ESR1: variants seen among roughly 807,000 people sequenced by gnomAD.
ESR1 encodes the protein estrogen receptor.
In ESR1, 12 loss-of-function variants were observed where a neutral mutation model predicts 52.7. That is an observed-to-expected ratio of 0.23 (90% CI 0.15 to 0.37). The LOEUF (loss-of-function observed/expected upper bound fraction) is 0.37, where lower values mean the gene tolerates loss of function less well. Ranked by LOEUF, ESR1 falls within the 10% of genes least tolerant of loss-of-function variation. The pLI is 1.00. For missense variants in ESR1, 584 were observed against 779.7 expected, an observed-to-expected ratio of 0.75 and a Z score of 2.99; for synonymous variants, 305 against 316.8, an observed-to-expected ratio of 0.96 and a Z score of 0.39.
At chr6:152,018,592 G>C (rs1240620864) in intron 5 of ESR1, among the ~76,000 whole-genome samples, 1 of 152,042 alleles carries the variant, frequency 6.6e-6, no homozygotes, top group Non-Finnish European at 1.5e-5. Context: ...CTGGGGTGTT[G>C]GGGGTGGAAG....
At chr6:152,009,334 T>C (rs1051006839) in intron 4 of ESR1, among the ~76,000 whole-genome samples, 2 of 152,040 alleles carry the variant, frequency 1.3e-5, no homozygotes, top group African/African-American at 2.4e-5. Flanking sequence ...AAATTTAAAC[T>C]TTAAAAATGC....
intron 2 of ESR1, among the ~76,000 whole-genome samples, chr6:151,735,229 CTGT>C (rs1438284568): frequency 6.6e-6 from 1 of 152,058 alleles, no homozygotes; most frequent in Non-Finnish European, 1.5e-5. Flanking sequence ...TCCTCATGGT[CTGT>C]TGTTCTCTCT....
intron 3 of ESR1, among the ~76,000 whole-genome samples, chr6:151,928,387 TGA>T (rs1257092187): frequency 2.6e-5 from 4 of 152,214 alleles, no homozygotes; most frequent in Non-Finnish European, 5.9e-5. Flanking sequence ...CATAGCTGAC[TGA>T]GAGCTGCGGC....
chr6:151,947,628 C>G (rs1192986325), intron 4 of ESR1, among the ~76,000 whole-genome samples: 1 of 152,118 alleles, frequency 6.6e-6, no homozygotes, highest in Non-Finnish European at 1.5e-5. Flanking sequence ...TTTTCCTTTT[C>G]ATTAACCCCT....
intron 2 of ESR1, among the ~76,000 whole-genome samples, chr6:151,767,490 T>A (rs1785159662): frequency 6.6e-6 from 1 of 152,026 alleles, no homozygotes; most frequent in African/African-American, 2.4e-5. Context: ...AGTTTCTAAA[T>A]GTGATAAAAG....
chr6:151,992,664 A>G (rs1442389564), intron 4 of ESR1, among the ~76,000 whole-genome samples: 3 of 152,128 alleles, frequency 2.0e-5, no homozygotes, highest in Non-Finnish European at 2.9e-5. Context: ...GGGTGGGGAA[A>G]GGATGGAAAA....
At chr6:151,756,624 C>T (rs1012232876) in intron 2 of ESR1, among the ~76,000 whole-genome samples, 3 of 152,180 alleles carry the variant, frequency 2.0e-5, no homozygotes, top group Non-Finnish European at 2.9e-5. Flanking sequence ...TATTTATAAC[C>T]GTACTGGCCG....
intron 2 of ESR1, among the ~76,000 whole-genome samples, chr6:151,722,479 C>A (rs1006775309): frequency 6.6e-6 from 1 of 152,168 alleles, no homozygotes; most frequent in African/African-American, 2.4e-5. Context: ...GAAAAACTGT[C>A]CAAAGCTTTG....
chr6:152,000,474 T>TA lies in ESR1; in HGVS notation c.1097-11181dup, dbSNP rs554176490. ...ACAGATACTTTTCTCTTTATATAAA[T>TA]ATGATATCTAATTAGCTTTTCCTGG... is the stretch of plus-strand genomic sequence containing the variant. On this transcript the variant is annotated intron_variant, in intron 4 of 7. Transcript: ENST00000206249. Among the ~76,000 whole-genome samples the TA allele has an allele frequency of 1.2e-3, 178 of 152,156 alleles. 1 individual carries two copies. Among genetic ancestry groups the TA allele is most frequent in the Non-Finnish European group, 2.3e-3 (159 of 67,966 alleles).
In ESR1 at chr6:151,817,883, C is replaced by T. The variant is rs533918147; in HGVS notation, c.452+9519C>T. Among the ~76,000 whole-genome samples, 3 of 152,266 alleles carry T rather than the reference C, an allele frequency of 2.0e-5. No individual in the cohort carries two copies. The East Asian group carries it at 5.8e-4, about 29-fold the overall frequency. Reference sequence around the variant, plus strand: ...AGGCTGTTAGTGGTACACATAACCTCTAGCATTGTTGATACAGCTATAAAA... The same window carrying T: ...AGGCTGTTAGTGGTACACATAACCTTTAGCATTGTTGATACAGCTATAAAA... On this transcript the variant is annotated intron_variant, in intron 1 of 7. Coordinates refer to ENST00000206249, the MANE Select transcript of ESR1 (RefSeq NM_000125.4).
chr6:151,700,019 G>A (rs1487081584), intron 1 of ESR1, among the ~76,000 whole-genome samples: 2 of 150,852 alleles, frequency 1.3e-5, no homozygotes, highest in Non-Finnish European at 2.9e-5. Flanking sequence ...CAAATTTACT[G>A]AATAACAGCC....
At position 152,094,293 on chromosome 6, in the gene ESR1, C is replaced by A. The variant is rs548628736; in HGVS notation, c.1370-92C>A. The A allele has an allele frequency of 4.5e-5, 49 of 1,080,490 alleles. No homozygotes were observed. In the African/African-American group the frequency reaches 6.3e-4, roughly 14 times the overall value. The allele number at this position is 1,080,490 out of a possible 1,614,324, so 66.9% of individuals were successfully genotyped here. On this transcript the variant is annotated intron_variant, in intron 6 of 7. Transcript: ENST00000206249. This position sits in a 1 kb window ranked among gnomAD's most constrained non-coding sequence, Gnocchi z 4.6. Reference sequence around the variant, plus strand: ...TAGACTACTGTGCTGAGGAAGGGCACTGGCTCATTGTTACATCCCATGAAC... The same window carrying A: ...TAGACTACTGTGCTGAGGAAGGGCAATGGCTCATTGTTACATCCCATGAAC...
intron 3 of ESR1, among the ~76,000 whole-genome samples, chr6:151,883,239 C>A (rs995126372): frequency 5.9e-5 from 9 of 151,906 alleles, no homozygotes; most frequent in African/African-American, 2.2e-4. Context: ...CCTGCTTCAA[C>A]TTCCCAAGTA....
At chr6:151,980,059 G>T (rs1170388161) in intron 4 of ESR1, among the ~76,000 whole-genome samples, 1 of 152,110 alleles carries the variant, frequency 6.6e-6, no homozygotes, top group East Asian at 1.9e-4. Flanking sequence ...GCCTGACGTT[G>T]AAAGATTTAG....
At position 151,957,025 on chromosome 6, in the gene ESR1, C is replaced by T. The variant is rs62443579; in HGVS notation, c.1096+12517C>T. On this transcript the variant is annotated intron_variant, in intron 4 of 7. Coordinates refer to ENST00000206249, the MANE Select transcript of ESR1 (RefSeq NM_000125.4). Reference sequence around the variant, plus strand: ...CCGAGTAGCTGGGACTACAGGTGCCCGCCACCACGCCCGGCTAATTTTTTG... The same window carrying T: ...CCGAGTAGCTGGGACTACAGGTGCCTGCCACCACGCCCGGCTAATTTTTTG... Among the ~76,000 whole-genome samples the T allele has an allele frequency of 9.2e-4, 122 of 133,198 alleles. 2 individuals are homozygous for T. Among genetic ancestry groups the T allele is most frequent in the East Asian group, 6.6e-3 (32 of 4,836 alleles). 87.4% of individuals were successfully genotyped at this position (133,198 alleles called of 152,430 possible).
At position 151,896,095 on chromosome 6, in the gene ESR1, G is replaced by A. The variant is rs185118179; in HGVS notation, c.760+15324G>A. ...ATTACAGGCGTGAGCCACAGCGCCC[G>A]GCCAGATTTTTGCATCTATGTTCAT... On this transcript the variant is annotated intron_variant, in intron 3 of 7. Transcript: ENST00000206249. Among the ~76,000 whole-genome samples the A allele has an allele frequency of 3.3e-3, 508 of 152,224 alleles. 3 individuals carry two copies. Among genetic ancestry groups the A allele is most frequent in the African/African-American group, 0.012 (482 of 41,536 alleles).
At chr6:151,978,632 G>A (rs765672840) in intron 4 of ESR1, among the ~76,000 whole-genome samples, 3 of 152,092 alleles carry the variant, frequency 2.0e-5, no homozygotes, top group South Asian at 2.1e-4. Flanking sequence ...GAGAGAAAAG[G>A]TCTATCGCAG....
At chr6:151,796,161 G>A (rs1459277396) in intron 2 of ESR1, among the ~76,000 whole-genome samples, 4 of 143,456 alleles carry the variant, frequency 2.8e-5, no homozygotes, top group African/African-American at 7.6e-5. Context: ...GTGAGACTCC[G>A]TCTCAAAAAA....
At chr6:151,879,796 C>CA (rs1234668621) in intron 2 of ESR1, among the ~76,000 whole-genome samples, 1 of 152,050 alleles carries the variant, frequency 6.6e-6, no homozygotes, top group Non-Finnish European at 1.5e-5. Context: ...CAGAGTTCTC[C>CA]AGGTAGTCAG....
Sources: gnomAD v4.1 joint callset for allele counts (sites outside exome capture counted in the v4.1 genomes callset) on GRCh38, gnomAD v4.1.1 for gene constraint, Gnocchi (gnomAD v3.1) non-coding constraint, MANE v1.5 for transcripts, NCBI Gene and HGNC (gene_info 2026-07-23, HGNC 2026-07-21) for gene names.